Variants in CLSTN2 observed in about 807,000 individuals in gnomAD.
The protein encoded by CLSTN2 is calsyntenin-2.
Under a neutral mutation model 101.2 loss-of-function variants are expected in CLSTN2, and 48 were observed. That is an observed-to-expected ratio of 0.47 (90% CI 0.38 to 0.60). The LOEUF (loss-of-function observed/expected upper bound fraction) is 0.60. Ranked by LOEUF, CLSTN2 falls within the 20% of genes least tolerant of loss-of-function variation. The probability of loss-of-function intolerance (pLI) is 0.00; values close to 1 mark genes in which losing one functional copy is unlikely to be tolerated. For synonymous variants in CLSTN2, 481 were observed against 463.6 expected (o/e 1.04, Z -0.48); for missense variants, 1,160 against 1,238.2 (o/e 0.94, Z 0.95).
At chr3:140,447,734 A>G (rs1290548335) in intron 5 of CLSTN2, among the ~76,000 whole-genome samples, 1 of 152,206 alleles carries the variant, frequency 6.6e-6, no homozygotes, top group Non-Finnish European at 1.5e-5. Context: ...CTTCCTAAAA[A>G]TGACCACGTG....
At chr3:140,491,661 GAATCCAAAA>G (rs1934355153) in intron 8 of CLSTN2, among the ~76,000 whole-genome samples, 1 of 151,996 alleles carries the variant, frequency 6.6e-6, no homozygotes, top group Non-Finnish European at 1.5e-5. Context: ...TCTCTAATAA[GAATCCAAAA>G]AATTAGCCAG....
At chr3:140,280,563 T>C (rs527908995) in intron 2 of CLSTN2, among the ~76,000 whole-genome samples, 6 of 152,242 alleles carry the variant, frequency 3.9e-5, no homozygotes, top group African/African-American at 1.4e-4. Flanking sequence ...CTGAGAAAGA[T>C]AAAGAATGAT....
At chr3:140,361,675 T>G (rs999785858) in intron 2 of CLSTN2, among the ~76,000 whole-genome samples, 1 of 152,172 alleles carries the variant, frequency 6.6e-6, no homozygotes, top group Non-Finnish European at 1.5e-5. Flanking sequence ...ATATTAATAT[T>G]TTTATATTAG....
At chr3:140,465,628 T>C (rs1008624836) in intron 7 of CLSTN2, among the ~76,000 whole-genome samples, 3 of 152,242 alleles carry the variant, frequency 2.0e-5, no homozygotes, top group Non-Finnish European at 2.9e-5. Context: ...GCATGGTATA[T>C]ACAGGATGTA....
intron 1 of CLSTN2, among the ~76,000 whole-genome samples, chr3:140,054,527 TG>T (rs1343195337): frequency 6.6e-6 from 1 of 152,218 alleles, no homozygotes. Flanking sequence ...TAGATCTATC[TG>T]GCCACAGGCT....
chr3:140,462,523 G>A (rs1470088466), intron 7 of CLSTN2, among the ~76,000 whole-genome samples: 2 of 152,194 alleles, frequency 1.3e-5, no homozygotes, highest in African/African-American at 2.4e-5. Context: ...TCTTCATGAA[G>A]ATTGCACTAA....
intron 5 of CLSTN2, among the ~76,000 whole-genome samples, chr3:140,428,193 T>C (rs2107996143): frequency 1.3e-5 from 2 of 152,358 alleles, no homozygotes; most frequent in Middle Eastern, 3.4e-3. Context: ...TTTTATCTTA[T>C]GTTATGCTGT....
intron 5 of CLSTN2, among the ~76,000 whole-genome samples, chr3:140,445,751 A>G (rs1454312701): frequency 6.6e-6 from 1 of 152,062 alleles, no homozygotes; most frequent in Non-Finnish European, 1.5e-5. Flanking sequence ...TCAAGGTTAG[A>G]TGTCTGCGGC....
chr3:140,287,272 A>G (rs542032941), intron 2 of CLSTN2, among the ~76,000 whole-genome samples: 5 of 152,118 alleles, frequency 3.3e-5, no homozygotes, highest in African/African-American at 9.6e-5. Context: ...AAGCCAGGCC[A>G]AAAAAAAGTG....
chr3:140,116,849 C>T (rs9876525), intron 1 of CLSTN2, among the ~76,000 whole-genome samples: 35,734 of 152,064 alleles, frequency 0.23, 4,320 homozygotes, highest in South Asian at 0.34. Context: ...AGCACCCATA[C>T]ACCTCTCAGT....
intron 2 of CLSTN2, among the ~76,000 whole-genome samples, chr3:140,367,310 C>A (rs527363262): frequency 6.6e-6 from 1 of 152,024 alleles, no homozygotes; most frequent in South Asian, 2.1e-4. Flanking sequence ...GTCAAGAGAT[C>A]GAGACCATCG....
At chr3:140,165,910 C>T (rs1576452264) in intron 1 of CLSTN2, among the ~76,000 whole-genome samples, 1 of 152,282 alleles carries the variant, frequency 6.6e-6, no homozygotes, top group African/African-American at 2.4e-5. Flanking sequence ...CTTCACTTGG[C>T]AGCCTCACAC....
chr3:140,366,563 C>T (rs1013674843), intron 2 of CLSTN2, among the ~76,000 whole-genome samples: 1 of 152,214 alleles, frequency 6.6e-6, no homozygotes, highest in Admixed American at 6.5e-5. Context: ...GTCATTAGCT[C>T]ATGCTTGTCT....
In CLSTN2 at chr3:140,570,546, G is replaced by C. The variant is rs1041464892; in HGVS notation, c.*4293G>C. 6.6e-6 allele frequency: 1 copy of C among 152,128 alleles called. No homozygotes were observed. Among genetic ancestry groups the C allele is most frequent in the African/African-American group, 2.4e-5 (1 of 41,420 alleles). The allele number at this position is 152,128 out of a possible 1,614,324, so 9.4% of individuals were successfully genotyped here. Reference sequence around the variant, plus strand: ...CCCCTACAGATACTGAGGGATGACTGTACTCAGCTCTCCTATTGTAGCATG... The same window carrying C: ...CCCCTACAGATACTGAGGGATGACTCTACTCAGCTCTCCTATTGTAGCATG... On this transcript the variant is annotated 3_prime_UTR_variant, in exon 17 of 17. Coordinates refer to ENST00000458420, the MANE Select transcript of CLSTN2 (RefSeq NM_022131.3).
chr3:140,446,303 A>T (rs78900088), intron 5 of CLSTN2, among the ~76,000 whole-genome samples: 5,399 of 152,266 alleles, frequency 0.035, 342 homozygotes, highest in African/African-American at 0.12. Flanking sequence ...ATAACATAGA[A>T]GTAGGGATAT....
In CLSTN2 at chr3:140,358,781, T is replaced by C. The variant is rs569333552; in HGVS notation, c.233-44848T>C. On this transcript the variant is annotated intron_variant, in intron 2 of 16. Coordinates refer to ENST00000458420, the MANE Select transcript of CLSTN2 (RefSeq NM_022131.3). ...TGATCCCATTAGTCTGGGGGTGAGATAACAACACCTGTGTTTTTTTAATGC... is the reference window on the plus strand; with the variant it reads ...TGATCCCATTAGTCTGGGGGTGAGACAACAACACCTGTGTTTTTTTAATGC... Among the ~76,000 whole-genome samples, 8 of 152,176 alleles carry C rather than the reference T, an allele frequency of 5.3e-5. No homozygotes were observed. The South Asian group carries it at 1.5e-3, about 28-fold the overall frequency.
chr3:140,173,509 C>T (rs545509453), intron 1 of CLSTN2, among the ~76,000 whole-genome samples: 4 of 152,334 alleles, frequency 2.6e-5, no homozygotes, highest in Non-Finnish European at 4.4e-5. Flanking sequence ...CTTCTCACAG[C>T]TCCACTAGGC....
intron 1 of CLSTN2, among the ~76,000 whole-genome samples, chr3:139,975,032 T>C (rs77250999): frequency 3.2e-4 from 49 of 152,320 alleles, no homozygotes; most frequent in South Asian, 2.3e-3. Context: ...AGTCCCAGGA[T>C]ATCTCTATGG....
chr3:140,281,540 A>G (rs190013705), intron 2 of CLSTN2, among the ~76,000 whole-genome samples: 136 of 152,242 alleles, frequency 8.9e-4, no homozygotes, highest in African/African-American at 3.2e-3. Context: ...AGAGGAAGGG[A>G]AAAAAGCCCT....
Sources: allele counts gnomAD v4.1 joint callset (sites outside exome capture counted in the v4.1 genomes callset), GRCh38; gene constraint gnomAD v4.1.1; transcripts MANE v1.5; gene names NCBI Gene and HGNC (gene_info 2026-07-23, HGNC 2026-07-21).